The following NSRP1 variants were observed in gnomAD, a reference collection of about 807,000 sequenced individuals.
The protein encoded by NSRP1 is nuclear speckle splicing regulatory protein 1.
Under a neutral mutation model 54.7 loss-of-function variants are expected in NSRP1, and 24 were observed. The observed-to-expected ratio is 0.44, with a 90% confidence interval of 0.32 to 0.62. The LOEUF is 0.62. Among genes scored for constraint, NSRP1 ranks in the 20% least tolerant of loss-of-function variants. NSRP1 has a pLI of 0.06. For missense variants in NSRP1, 596 were observed against 651.2 expected (o/e 0.92, Z 0.92); for synonymous variants, 210 against 213.8 (o/e 0.98, Z 0.15).
At position 30,120,347 on chromosome 17, in the gene NSRP1, A is replaced by G. The variant is rs576081392; in HGVS notation, c.114+2174A>G. Among the ~76,000 whole-genome samples, 256 of 152,356 alleles carry G rather than the reference A, an allele frequency of 1.7e-3. 1 individual carries two copies. Among genetic ancestry groups the G allele is most frequent in the African/African-American group, 5.9e-3 (246 of 41,588 alleles). ...GAAATGAATCAAGGTTACTAGTTAAATCTCCATTTCTGCGTAGCCAACTAG... is the reference window on the plus strand; with the variant it reads ...GAAATGAATCAAGGTTACTAGTTAAGTCTCCATTTCTGCGTAGCCAACTAG... On this transcript the variant is annotated intron_variant, in intron 2 of 6. Transcript: ENST00000247026.
chr17:30,118,082 A>G lies in NSRP1; in HGVS notation c.23A>G (p.Tyr8Cys). 6.2e-7 allele frequency: 1 copy of G among 1,613,064 alleles called. No individual in the cohort carries two copies. Residue 8 changes from tyrosine (Y) to cysteine (C), a missense_variant and splice_region_variant, in exon 2 of 7, where the codon TAT (tyrosine) becomes TGT (cysteine). Tyr to Cys is a radical substitution (Grantham distance 194). Coordinates refer to ENST00000247026, the MANE Select transcript of NSRP1 (RefSeq NM_032141.4). Reference protein sequence around the residue: MAIPGRQYGLILPKKTQQ... With the variant: MAIPGRQCGLILPKKTQQ... ...TATTTCAAAAAAAATATATGCAGGTATGGGCTTATTTTGCCAAAGAAAACA... is the reference window on the plus strand; with the variant it reads ...TATTTCAAAAAAAATATATGCAGGTGTGGGCTTATTTTGCCAAAGAAAACA...
chr17:30,165,865 T>C (rs1320496803), intron 2 of NSRP1, among the ~76,000 whole-genome samples: 1 of 152,242 alleles, frequency 6.6e-6, no homozygotes, highest in Non-Finnish European at 1.5e-5. Flanking sequence ...TAGATTTTTC[T>C]AATTCAGTGG....
intron 6 of NSRP1, among the ~76,000 whole-genome samples, chr17:30,184,151 G>A (rs973841579): frequency 1.3e-5 from 2 of 152,190 alleles, no homozygotes; most frequent in African/African-American, 4.8e-5. Flanking sequence ...GCAGTGAACC[G>A]AGATTGTGCC....
chr17:30,175,563 G>T (rs1905099192), intron 3 of NSRP1, among the ~76,000 whole-genome samples: 3 of 151,914 alleles, frequency 2.0e-5, no homozygotes, highest in Admixed American at 6.6e-5. Flanking sequence ...CCTCCTGATA[G>T]CTGGGATTTC....
At chr17:30,148,894 T>C (rs1473146659) in intron 2 of NSRP1, among the ~76,000 whole-genome samples, 1 of 152,242 alleles carries the variant, frequency 6.6e-6, no homozygotes, top group South Asian at 2.1e-4. Flanking sequence ...AGTTTGTCTA[T>C]CTTATAAAAT....
chr17:30,167,316 A>G (rs747202585), intron 2 of NSRP1, among the ~76,000 whole-genome samples: 2 of 152,158 alleles, frequency 1.3e-5, no homozygotes, highest in Non-Finnish European at 2.9e-5. Context: ...TGACCTTTAA[A>G]AACATAAGAT....
chr17:30,137,971 T>C (rs1234338257), intron 2 of NSRP1, among the ~76,000 whole-genome samples: 2 of 152,286 alleles, frequency 1.3e-5, no homozygotes, highest in Non-Finnish European at 1.5e-5. Context: ...TTTTTTATCT[T>C]CCCAAACTGA....
At chr17:30,129,137 G>A (rs2071677879) in intron 2 of NSRP1, among the ~76,000 whole-genome samples, 1 of 151,622 alleles carries the variant, frequency 6.6e-6, no homozygotes, top group Non-Finnish European at 1.5e-5. Context: ...ATTTCCCATA[G>A]TGTATTTAGT....
rs1905220164 is a variant in NSRP1, at chr17:30,179,188, A to G, written c.399A>G (p.Glu133=). The part of the protein sequence containing the change: ...EKKIQREREM[E]KGEFDDKEAF... Reference sequence around the variant, plus strand: ...AAATACAGAGAGAACGAGAAATGGAAAAGGGGGAGTTTGATGATAAAGAAG... The same window carrying G: ...AAATACAGAGAGAACGAGAAATGGAGAAGGGGGAGTTTGATGATAAAGAAG... Residue 133 remains glutamate, a synonymous_variant, in exon 5 of 7, where the codon GAA becomes GAG. Transcript: ENST00000247026. The G allele has an allele frequency of 6.2e-7, 1 of 1,611,364 alleles. No individual in the cohort carries two copies. The highest frequency in any genetic ancestry group is 1.1e-5 in the South Asian group (1 of 90,492).
intron 2 of NSRP1, among the ~76,000 whole-genome samples, chr17:30,133,303 C>T (rs960553571): frequency 3.3e-5 from 5 of 152,032 alleles, no homozygotes; most frequent in South Asian, 2.1e-4. Context: ...ACTCCTTGAA[C>T]CATTTGCTCC....
chr17:30,167,214 C>T (rs909433561), intron 2 of NSRP1, among the ~76,000 whole-genome samples: 4 of 152,100 alleles, frequency 2.6e-5, no homozygotes, highest in Admixed American at 6.6e-5. Flanking sequence ...GTAAATGATA[C>T]GATTTCATTC....
intron 2 of NSRP1, among the ~76,000 whole-genome samples, chr17:30,168,483 A>G (rs1370961581): frequency 6.6e-6 from 1 of 151,474 alleles, no homozygotes; most frequent in Non-Finnish European, 1.5e-5. Flanking sequence ...ACATGTGCCA[A>G]TTTTTGTTCT....
In NSRP1 at chr17:30,185,454, A is replaced by C; in HGVS notation, c.1457A>C (p.Gln486Pro). The change falls in exon 7 of 7, where the codon CAA (glutamine) becomes CCA (proline). Residue 486 changes from glutamine to proline, a missense_variant. By Grantham distance (76) the Gln-to-Pro change is moderately conservative (BLOSUM62 -1). Coordinates refer to ENST00000247026, the MANE Select transcript of NSRP1 (RefSeq NM_032141.4). ...RNMAKDKERNQEKPSNSESSL... is the reference protein window; with the variant it reads ...RNMAKDKERNPEKPSNSESSL... ...ATGGCAAAGGACAAAGAAAGAAACC[A>C]AGAGAAACCCTCTAATTCTGAATCA... 6.2e-7 allele frequency: 1 copy of C among 1,609,134 alleles called. No homozygotes were observed. The highest frequency in any genetic ancestry group is 8.5e-7 in the Non-Finnish European group (1 of 1,178,840).
intron 2 of NSRP1, among the ~76,000 whole-genome samples, chr17:30,159,309 G>T (rs1234737372): frequency 1.3e-5 from 2 of 152,032 alleles, no homozygotes; most frequent in African/African-American, 4.8e-5. Context: ...TGTTGATTTT[G>T]TGTCTTGCAG....
chr17:30,133,902 A>G (rs368093095), intron 2 of NSRP1, among the ~76,000 whole-genome samples: 1 of 152,238 alleles, frequency 6.6e-6, no homozygotes, highest in South Asian at 2.1e-4. Flanking sequence ...ATTTCCTTCC[A>G]TAACTTTTCC....
intron 2 of NSRP1, among the ~76,000 whole-genome samples, chr17:30,165,813 C>T (rs953985802): frequency 6.6e-6 from 1 of 152,120 alleles, no homozygotes; most frequent in Non-Finnish European, 1.5e-5. Flanking sequence ...AAAGAATCAA[C>T]ACAAAAGAAA....
At chr17:30,130,756 A>G (rs934202969) in intron 2 of NSRP1, among the ~76,000 whole-genome samples, 2 of 152,096 alleles carry the variant, frequency 1.3e-5, no homozygotes, top group African/African-American at 4.8e-5. Flanking sequence ...ATAATGTTGA[A>G]TTGTTTTTTC....
At chr17:30,146,416 A>G (rs1203628807) in intron 2 of NSRP1, among the ~76,000 whole-genome samples, 1 of 152,180 alleles carries the variant, frequency 6.6e-6, no homozygotes, top group East Asian at 1.9e-4. Flanking sequence ...TTAAATAGAA[A>G]CAGGGTCTTG....
At chr17:30,133,842 G>T (rs1414375180) in intron 2 of NSRP1, among the ~76,000 whole-genome samples, 1 of 152,170 alleles carries the variant, frequency 6.6e-6, no homozygotes, top group African/African-American at 2.4e-5. Context: ...TCAGCAATAA[G>T]GCTGTTTGCC....
Sources: allele counts gnomAD v4.1 joint callset (sites outside exome capture counted in the v4.1 genomes callset), GRCh38; gene constraint gnomAD v4.1.1; transcripts MANE v1.5; gene names NCBI Gene and HGNC (gene_info 2026-07-23, HGNC 2026-07-21).